Variants in GAS6 observed in about 807,000 individuals in gnomAD.
GAS6 encodes growth arrest specific 6.
GAS6 carries 41 observed loss-of-function variants against 75.8 expected under a neutral mutation model. That is an observed-to-expected ratio of 0.54 (90% CI 0.42 to 0.70). The LOEUF (loss-of-function observed/expected upper bound fraction) is 0.70, where lower values mean the gene tolerates loss of function less well. Among genes scored for constraint, GAS6 ranks in the 30% least tolerant of loss-of-function variants. GAS6 has a pLI of 0.00. For missense variants in GAS6, 854 were observed against 940.2 expected (o/e 0.91, Z 1.20); for synonymous variants, 432 against 412.6 (o/e 1.05, Z -0.57).
At position 113,828,559 on chromosome 13, in the gene GAS6, G is replaced by T; in HGVS notation, c.1296C>A (p.Asp432Glu). The T allele has an allele frequency of 6.2e-7, 1 of 1,613,328 alleles. No individual in the cohort carries two copies. Among genetic ancestry groups the T allele is most frequent in the Non-Finnish European group, 8.5e-7 (1 of 1,179,916 alleles). Reference protein sequence around the residue: ...TVGGIPFHEKDLVQPINPRLD... With the variant: ...TVGGIPFHEKELVQPINPRLD... ...GTACAGTACTCACAGGCTGCACGAG[G>T]TCCTTCTCATGGAAGGGAATACCTC... The change falls in exon 11 of 15, where the codon GAC becomes GAA. Residue 432 changes from aspartate to glutamate, a missense_variant. Asp to Glu is a conservative substitution (Grantham distance 45). Coordinates refer to ENST00000327773, the MANE Select transcript of GAS6 (RefSeq NM_000820.4).
rs1221635710 is a variant in GAS6, at chr13:113,845,754, A to C, written c.343+773T>G. The C allele has an allele frequency of 2.6e-5, 4 of 152,114 alleles. No homozygotes were observed. The highest frequency in any genetic ancestry group is 5.9e-5 in the Non-Finnish European group (4 of 68,024). 9.4% of individuals were successfully genotyped at this position (152,114 alleles called of 1,614,324 possible). Reference sequence around the variant, plus strand: ...GCTTTACTCATTAGTTAAAAAAAAAAAAAAAAACCTGAAATGACTGATGTC... The same window carrying C: ...GCTTTACTCATTAGTTAAAAAAAAACAAAAAAACCTGAAATGACTGATGTC... On this transcript the variant is annotated intron_variant, in intron 4 of 14. Transcript: ENST00000327773. The surrounding 1 kb of genome is among the most constrained non-coding windows in gnomAD (Gnocchi z 4.3).
At chr13:113,825,100 C>T (rs1242591447) in intron 12 of GAS6, among the ~76,000 whole-genome samples, 5 of 151,988 alleles carry the variant, frequency 3.3e-5, no homozygotes, top group African/African-American at 4.8e-5. Context: ...TGCCTGTAAT[C>T]CCATCTACTC....
In GAS6 at chr13:113,829,992, T is replaced by G. The variant is rs1055958454; in HGVS notation, c.1144-1281A>C. Among the ~76,000 whole-genome samples, 3 of 152,332 alleles carry G rather than the reference T, an allele frequency of 2.0e-5. No homozygotes were observed. In the East Asian group the frequency reaches 5.8e-4, roughly 29 times the overall value. On this transcript the variant is annotated intron_variant, in intron 10 of 14. Coordinates refer to ENST00000327773, the MANE Select transcript of GAS6 (RefSeq NM_000820.4). ...TCAAGGAGACCACCTGATCCACACC[T>G]GAGCCAAGAGGGTCCCAACCTCAGA...
At chr13:113,826,506 TCGCAGGCACC>T (rs1566354676) in intron 12 of GAS6, among the ~76,000 whole-genome samples, 53 of 119,724 alleles carry the variant, frequency 4.4e-4, no homozygotes, top group Admixed American at 5.7e-4. Context: ...GGCGCCGGCC[TCGCAGGCACC>T]TTCTCTCCCC....
intron 4 of GAS6, chr13:113,843,840 A>G (rs2051811752): frequency 1.3e-5 from 2 of 150,944 alleles, no homozygotes; most frequent in Non-Finnish European, 2.9e-5. Context: ...ACCGATAACC[A>G]GTGAACTGAA....
At chr13:113,853,068 G>A (rs1235099608) in intron 2 of GAS6, among the ~76,000 whole-genome samples, 1 of 152,166 alleles carries the variant, frequency 6.6e-6, no homozygotes, top group Non-Finnish European at 1.5e-5. Context: ...GTGGTCTCTC[G>A]ATCCAACTAG....
chr13:113,836,104 C>T, intron 6 of GAS6: 14 of 971,788 alleles, frequency 1.4e-5, no homozygotes, highest in Non-Finnish European at 1.7e-5. Flanking sequence ...GGGACAGATG[C>T]TGTTTACGGC....
chr13:113,853,831 C>T (rs988115909), intron 2 of GAS6, among the ~76,000 whole-genome samples: 7 of 152,246 alleles, frequency 4.6e-5, no homozygotes, highest in Admixed American at 4.6e-4. Context: ...AGACCCTTGG[C>T]CTGGCAGCCC....
At chr13:113,846,191 G>A (rs2051832232) in intron 4 of GAS6, among the ~76,000 whole-genome samples, 1 of 149,744 alleles carries the variant, frequency 6.7e-6, no homozygotes, top group Non-Finnish European at 1.5e-5. Flanking sequence ...AAGAGCGGAA[G>A]GCCGCTCACA....
chr13:113,834,505 C>CT, intron 8 of GAS6, 46 bp downstream of exon 8: 2 of 1,451,424 alleles, frequency 1.4e-6, no homozygotes, highest in South Asian at 1.4e-5. Flanking sequence ...CCGGCGAGGG[C>CT]CCCCGGAACC....
chr13:113,861,274 C>T lies in GAS6; in HGVS notation c.255+2301G>A, dbSNP rs77550545. Among the ~76,000 whole-genome samples the T allele has an allele frequency of 2.2e-3, 334 of 152,226 alleles. 1 individual carries two copies. The highest frequency in any genetic ancestry group is 7.8e-3 in the African/African-American group (323 of 41,550). The stretch of plus-strand genomic sequence containing the variant: ...TGGGTAGGTGCGTGTTAACTAACGG[C>T]GGCCAGGCACTTCCCACATCCTAAA... On this transcript the variant is annotated intron_variant, in intron 2 of 14. Transcript: ENST00000327773.
chr13:113,859,357 T>C (rs1450249392), intron 2 of GAS6, among the ~76,000 whole-genome samples: 2 of 151,704 alleles, frequency 1.3e-5, no homozygotes, highest in African/African-American at 2.4e-5. Context: ...CATGTCTGTG[T>C]GACTGTATGT....
chr13:113,835,693 G>A, intron 6 of GAS6, 58 bp from the exon 7 acceptor site: 1 of 1,588,736 alleles, frequency 6.3e-7, no homozygotes, highest in Non-Finnish European at 8.6e-7. Flanking sequence ...ACGGGGCTGG[G>A]GCAGGCGGCT....
At chr13:113,833,694 G>A (rs549553571) in intron 8 of GAS6, 1 of 999,266 alleles carries the variant, frequency 1.0e-6, no homozygotes, top group East Asian at 1.2e-4. Flanking sequence ...TGACAAGTCA[G>A]TGTGACAGGC....
rs1330262828 is a variant in GAS6 at position 113,845,360 on chromosome 13, T to C, written c.343+1167A>G. 1 of 150,112 alleles carries C rather than the reference T, an allele frequency of 6.7e-6. No individual in the cohort carries two copies. The highest frequency in any genetic ancestry group is 1.5e-5 in the Non-Finnish European group (1 of 68,006). The allele number at this position is 150,112 out of a possible 1,614,324, so 9.3% of individuals were successfully genotyped here. ...AAAGCCATGCCTGGGAAGAGACTCC[T>C]GCCTCTCCCAGGATGACTCCGTCCC... On this transcript the variant is annotated intron_variant, in intron 4 of 14. Coordinates refer to ENST00000327773, the MANE Select transcript of GAS6 (RefSeq NM_000820.4). The surrounding 1 kb of genome is among the most constrained non-coding windows in gnomAD (Gnocchi z 4.3).
chr13:113,827,742 C>T (rs2051569648), intron 11 of GAS6, among the ~76,000 whole-genome samples: 2 of 152,204 alleles, frequency 1.3e-5, no homozygotes, highest in South Asian at 2.1e-4. Context: ...TGCCTTTCTC[C>T]TGCCTGGTGT....
At chr13:113,824,391 C>G (rs1292364879) in intron 12 of GAS6, among the ~76,000 whole-genome samples, 1 of 143,164 alleles carries the variant, frequency 7.0e-6, no homozygotes, top group East Asian at 2.1e-4. Flanking sequence ...CACGCGCGGT[C>G]TGGGGTCTGA....
chr13:113,835,872 G>A (rs2138637654), intron 6 of GAS6: 2 of 1,356,118 alleles, frequency 1.5e-6, no homozygotes, highest in East Asian at 2.8e-5. Flanking sequence ...CCCAGCAGGT[G>A]GAGAGCTGGG....
chr13:113,858,563 T>G (rs570917396), intron 2 of GAS6, among the ~76,000 whole-genome samples: 16 of 136,532 alleles, frequency 1.2e-4, no homozygotes, highest in South Asian at 2.5e-4. Flanking sequence ...GTATGTGCCT[T>G]TGTGTGTGCA....
Sources: allele counts gnomAD v4.1 joint callset (sites outside exome capture counted in the v4.1 genomes callset), GRCh38; gene constraint gnomAD v4.1.1; non-coding constraint Gnocchi (gnomAD v3.1); transcripts MANE v1.5; gene names NCBI Gene and HGNC (gene_info 2026-07-23, HGNC 2026-07-21).